Variants in FIGN observed in about 807,000 individuals in gnomAD.
FIGN encodes the protein fidgetin.
In FIGN, 11 loss-of-function variants were observed where a neutral mutation model predicts 51.3. The observed-to-expected ratio is 0.21, with a 90% confidence interval of 0.13 to 0.35. The LOEUF (loss-of-function observed/expected upper bound fraction) is 0.35. FIGN is among the 10% of genes least tolerant of loss of function. The pLI is 1.00. For missense variants in FIGN, 857 were observed against 943.6 expected (o/e 0.91, Z 1.20); for synonymous variants, 407 against 363.2 (o/e 1.12, Z -1.37).
At chr2:163,670,426 A>G (rs1313916399) in intron 2 of FIGN, among the ~76,000 whole-genome samples, 2 of 152,208 alleles carry the variant, frequency 1.3e-5, no homozygotes, top group Non-Finnish European at 2.9e-5. Flanking sequence ...GAAGTCATCA[A>G]CTAAACAGCA....
At chr2:163,675,763 A>G (rs1448924246) in intron 2 of FIGN, among the ~76,000 whole-genome samples, 1 of 83,290 alleles carries the variant, frequency 1.2e-5, no homozygotes, top group Non-Finnish European at 2.2e-5. Context: ...TTTCAATTGT[A>G]TGGAAACACT....
chr2:163,667,548 G>T (rs964859380), intron 2 of FIGN, among the ~76,000 whole-genome samples: 2 of 152,148 alleles, frequency 1.3e-5, no homozygotes, highest in Non-Finnish European at 2.9e-5. Context: ...ACAAATGTTT[G>T]CAGTTATTCC....
intron 2 of FIGN, among the ~76,000 whole-genome samples, chr2:163,620,294 T>C (rs932676732): frequency 6.6e-6 from 1 of 152,194 alleles, no homozygotes; most frequent in African/African-American, 2.4e-5. Flanking sequence ...CTCTCTTTCC[T>C]TTTTCCGTAT....
At chr2:163,707,615 A>G (rs1167356597) in intron 2 of FIGN, among the ~76,000 whole-genome samples, 1 of 152,190 alleles carries the variant, frequency 6.6e-6, no homozygotes, top group Non-Finnish European at 1.5e-5. Context: ...GTATTTAATC[A>G]TTATTGTAAA....
chr2:163,615,799 T>A (rs547534590), intron 2 of FIGN, among the ~76,000 whole-genome samples: 3 of 152,274 alleles, frequency 2.0e-5, no homozygotes, highest in African/African-American at 7.2e-5. Flanking sequence ...CAGTAAAAAT[T>A]CAGAAAACAG....
chr2:163,711,020 C>T (rs1264798539), intron 2 of FIGN, among the ~76,000 whole-genome samples: 1 of 152,114 alleles, frequency 6.6e-6, no homozygotes, highest in African/African-American at 2.4e-5. Flanking sequence ...CATGCACTCA[C>T]ACACACATAG....
At chr2:163,665,402 A>T (rs1683757654) in intron 2 of FIGN, among the ~76,000 whole-genome samples, 1 of 152,236 alleles carries the variant, frequency 6.6e-6, no homozygotes, top group African/African-American at 2.4e-5. Context: ...TTGTTTATGG[A>T]TTATTCCTAT....
chr2:163,724,240 C>A (rs1684804525), intron 2 of FIGN, among the ~76,000 whole-genome samples: 1 of 152,156 alleles, frequency 6.6e-6, no homozygotes, highest in Non-Finnish European at 1.5e-5. Context: ...GATGTTCTTG[C>A]AAGACTGACA....
intron 2 of FIGN, among the ~76,000 whole-genome samples, chr2:163,669,180 A>G (rs1352434508): frequency 6.6e-6 from 1 of 152,106 alleles, no homozygotes; most frequent in African/African-American, 2.4e-5. Flanking sequence ...AAAAATCTAC[A>G]TAACTAATAA....
At chr2:163,614,606 G>A (rs189567843) in intron 2 of FIGN, among the ~76,000 whole-genome samples, 55 of 151,512 alleles carry the variant, frequency 3.6e-4, no homozygotes, top group African/African-American at 1.3e-3. Context: ...ACAGAAAAAC[G>A]TGAAAAAAAA....
intron 2 of FIGN, among the ~76,000 whole-genome samples, chr2:163,653,424 T>G (rs1436854909): frequency 1.3e-5 from 2 of 152,034 alleles, no homozygotes; most frequent in East Asian, 3.9e-4. Flanking sequence ...AATGGGGAAA[T>G]TTTTGAAATT....
At chr2:163,623,065 C>T (rs1008173399) in intron 2 of FIGN, among the ~76,000 whole-genome samples, 1 of 152,090 alleles carries the variant, frequency 6.6e-6, no homozygotes, top group African/African-American at 2.4e-5. Context: ...AGGTAGGCTA[C>T]ACAAAAATTC....
chr2:163,731,510 G>A (rs1204204254), intron 2 of FIGN, among the ~76,000 whole-genome samples: 1 of 151,926 alleles, frequency 6.6e-6, no homozygotes, highest in East Asian at 1.9e-4. Context: ...CAAAGTTCCT[G>A]CCTAACATGA....
chr2:163,605,738 C>T lies in FIGN; in HGVS notation c.*3814G>A, dbSNP rs1691097353. 6.6e-6 allele frequency: 1 copy of T among 151,828 alleles called. No homozygotes were observed. 9.4% of individuals were successfully genotyped at this position (151,828 alleles called of 1,614,324 possible). A position where few individuals can be genotyped will look rare whatever the true frequency, so the allele number is the denominator to read the frequency against. ...AATACAGATTCAATGATCATGCTAC[C>T]CAATTCTAAGAAACATGAGAATGTG... On this transcript the variant is annotated 3_prime_UTR_variant, in exon 3 of 3. Transcript: ENST00000333129.
At chr2:163,674,775 T>C (rs1292728266) in intron 2 of FIGN, among the ~76,000 whole-genome samples, 4 of 152,148 alleles carry the variant, frequency 2.6e-5, no homozygotes, top group Admixed American at 2.0e-4. Context: ...CTCCAAAGAA[T>C]TGCATGATCA....
At chr2:163,711,792 G>A (rs533564693) in intron 2 of FIGN, among the ~76,000 whole-genome samples, 8 of 152,074 alleles carry the variant, frequency 5.3e-5, no homozygotes, top group African/African-American at 9.7e-5. Flanking sequence ...AATCTGTTAC[G>A]GAAAACTGAA....
rs772707463 is a variant in FIGN, at chr2:163,610,277, G to T, written c.1555C>A (p.Pro519Thr). 75 of 1,613,992 alleles carry T rather than the reference G, an allele frequency of 4.6e-5. No homozygotes were observed. The highest frequency in any genetic ancestry group is 4.7e-5 in the Non-Finnish European group (55 of 1,180,034). ...GGTCCAAATAAAAGGATGCTCCGAG[G>T]TAAGGCCGTCAGTCCACTGAACGCG... ...SDAFSGLTAL[P>T]RSILLFGPRG... Residue 519 changes from proline (P) to threonine (T), a missense_variant, in exon 3 of 3, where the codon CCT (proline) becomes ACT (threonine). Around this residue, in one of 3 missense-constraint regions of FIGN, gnomAD observed 799 missense variants for 849.5 expected, o/e 0.94. Coordinates refer to ENST00000333129, the MANE Select transcript of FIGN (RefSeq NM_018086.4).
chr2:163,611,532 G>C lies in FIGN; in HGVS notation c.300C>G (p.Asn100Lys). The change falls in exon 3 of 3, where the codon AAC (asparagine) becomes AAG (lysine). Residue 100 changes from asparagine (N) to lysine (K), a missense_variant. Asn to Lys is a moderately conservative substitution (Grantham distance 94, BLOSUM62 0). Around this residue, in one of 3 missense-constraint regions of FIGN, gnomAD observed 799 missense variants for 849.5 expected, o/e 0.94. Transcript: ENST00000333129. ...AGGGTTCACTTTCATTTTTCCGACC[G>C]TTCACTAGTCCTGATGGTGTGTCCG... ...NYSDTPSGLVNGRKNESEPWQ... is the reference protein window; with the variant it reads ...NYSDTPSGLVKGRKNESEPWQ... 6.2e-7 allele frequency: 1 copy of C among 1,614,188 alleles called. No individual in the cohort carries two copies. Among genetic ancestry groups the C allele is most frequent in the South Asian group, 1.1e-5 (1 of 91,086 alleles).
intron 2 of FIGN, among the ~76,000 whole-genome samples, chr2:163,652,973 C>A (rs554004954): frequency 6.6e-6 from 1 of 152,232 alleles, no homozygotes; most frequent in Non-Finnish European, 1.5e-5. Context: ...TTAAAATTTG[C>A]CTAACACATG....
Sources: gnomAD v4.1 joint callset for allele counts (sites outside exome capture counted in the v4.1 genomes callset) on GRCh38, gnomAD v4.1.1 for gene constraint, gnomAD v4.1.1 regional missense constraint, MANE v1.5 for transcripts, NCBI Gene and HGNC (gene_info 2026-07-23, HGNC 2026-07-21) for gene names.